EVC: variants seen among roughly 807,000 people sequenced by gnomAD.
The protein encoded by EVC is evC complex member EVC.
EVC carries 116 observed loss-of-function variants against 118.9 expected under a neutral mutation model. The observed-to-expected ratio is 0.98, with a 90% CI of 0.84 to 1.14. The LOEUF is 1.14. Among genes scored for constraint, EVC ranks in the 50% most tolerant of loss-of-function variants. EVC has a pLI of 0.00. For synonymous variants in EVC, 619 were observed against 534.7 expected, an observed-to-expected ratio of 1.16 and a Z score of -2.18; for missense variants, 1,401 against 1,246.4, an observed-to-expected ratio of 1.12 and a Z score of -1.87.
Position 5,729,407 on chromosome 4 carries a change from C to T in EVC, c.384+17C>T. ...AAGTTCCGGGTGAGAGTCCTGAGCT[C>T]CATCATAGAAAGCCAGTTACTTCCG... On this transcript the variant is annotated intron_variant, in intron 3 of 20. Coordinates refer to ENST00000264956, the MANE Select transcript of EVC (RefSeq NM_153717.3). 1 of 1,612,072 alleles carries T rather than the reference C, an allele frequency of 6.2e-7. No individual in the cohort carries two copies. Among genetic ancestry groups the T allele is most frequent in the Middle Eastern group, 1.7e-4 (1 of 6,060 alleles).
Position 5,800,332 on chromosome 4 carries a change from T to C in EVC, c.2304+1540T>C, listed in dbSNP as rs528839676. 2.0e-5 allele frequency among the ~76,000 whole-genome samples: 3 copies of C among 152,286 alleles called. No individual in the cohort carries two copies. The East Asian group carries it at 5.8e-4, about 29-fold the overall frequency. On this transcript the variant is annotated intron_variant, in intron 15 of 20. Coordinates refer to ENST00000264956, the MANE Select transcript of EVC (RefSeq NM_153717.3). Reference sequence around the variant, plus strand: ...TGCACTCCAGCCTGGGTGACATAGCTAGACTCTGTCTAAAAAACAAACAAA... The same window carrying C: ...TGCACTCCAGCCTGGGTGACATAGCCAGACTCTGTCTAAAAAACAAACAAA...
At chr4:5,793,899 G>A (rs535913222) in intron 13 of EVC, among the ~76,000 whole-genome samples, 182 bp downstream of exon 13, 1 of 152,240 alleles carries the variant, frequency 6.6e-6, no homozygotes, top group East Asian at 1.9e-4. Context: ...CTATCTATTT[G>A]ATAGAGTTGT....
In EVC at chr4:5,811,852, C is replaced by A. The variant is rs565250310; in HGVS notation, c.*815C>A. The A allele has an allele frequency of 6.0e-4, 91 of 152,220 alleles. No individual in the cohort carries two copies. Among genetic ancestry groups the A allele is most frequent in the Non-Finnish European group, 1.6e-4 (11 of 69,660 alleles). 9.4% of individuals were successfully genotyped at this position (152,220 alleles called of 1,614,324 possible). A position where few individuals can be genotyped will look rare whatever the true frequency, so the allele number is the denominator to read the frequency against. ...CCCACCGGTAGAGAAACTTCCAGAC[C>A]AGCCCCTCACACCACAGCCAAGAGA... On this transcript the variant is annotated 3_prime_UTR_variant, in exon 21 of 21. Transcript: ENST00000264956.
chr4:5,737,269 A>C lies in EVC; in HGVS notation c.702+3834A>C, dbSNP rs943028458. Among the ~76,000 whole-genome samples, 3 of 152,232 alleles carry C rather than the reference A, an allele frequency of 2.0e-5. No individual in the cohort carries two copies. Among genetic ancestry groups the C allele is most frequent in the African/African-American group, 7.2e-5 (3 of 41,458 alleles). ...AAGAAAAATTTGAAGCTAGCAGAGC[A>C]TGAGGTTTAAAGAAAGAAGCTGTCT... On this transcript the variant is annotated intron_variant, in intron 5 of 20. Transcript: ENST00000264956. This position sits in a 1 kb window ranked among gnomAD's most constrained non-coding sequence, Gnocchi z 5.0.
chr4:5,782,536 G>GAAAAAA (rs71171483), intron 11 of EVC, among the ~76,000 whole-genome samples: 1 of 45,734 alleles, frequency 2.2e-5, no homozygotes, highest in Non-Finnish European at 4.4e-5. Flanking sequence ...TGTTTTAAAT[G>GAAAAAA]AAAAAAAAAA....
chr4:5,714,529 C>T (rs1723630702), intron 1 of EVC, among the ~76,000 whole-genome samples: 2 of 146,780 alleles, frequency 1.4e-5, no homozygotes, highest in African/African-American at 5.0e-5. Flanking sequence ...CGTGCAATAG[C>T]CGTTGACCCT....
Position 5,741,815 on chromosome 4 carries a change from G to C in EVC, c.801+1G>C. ...GAAGATCCTTTCAAAACAAGAAAAA[G>C]TAAGTCTTCAACCTATGTTTCAAGG... On this transcript the variant is annotated splice_donor_variant, in intron 6 of 20. Coordinates refer to ENST00000264956, the MANE Select transcript of EVC (RefSeq NM_153717.3). LOFTEE classifies it high-confidence loss of function. 1 of 1,422,962 alleles carries C rather than the reference G, an allele frequency of 7.0e-7. No individual in the cohort carries two copies. The highest frequency in any genetic ancestry group is 9.9e-7 in the Non-Finnish European group (1 of 1,008,208). 88.1% of individuals were successfully genotyped at this position (1,422,962 alleles called of 1,614,324 possible). A position where few individuals can be genotyped will look rare whatever the true frequency, so the allele number is the denominator to read the frequency against.
At chr4:5,778,306 C>T (rs1735036553) in intron 11 of EVC, among the ~76,000 whole-genome samples, 1 of 152,018 alleles carries the variant, frequency 6.6e-6, no homozygotes, top group African/African-American at 2.4e-5. Flanking sequence ...CATACGTGTG[C>T]ATATGTCTTT....
the EVC span, chr4:5,828,478 G>C: frequency 1.2e-6 from 2 of 1,612,158 alleles, no homozygotes; most frequent in Non-Finnish European, 1.7e-6. Flanking sequence ...CTCCCCTGCA[G>C]ACACACTCAC....
Position 5,737,194 on chromosome 4 carries a change from TCTAA to T in EVC, c.702+3762_702+3765del, listed in dbSNP as rs1347733092. On this transcript the variant is annotated intron_variant, in intron 5 of 20. Transcript: ENST00000264956. The surrounding 1 kb of genome is among the most constrained non-coding windows in gnomAD (Gnocchi z 5.0). ...GCCAAAGCCTAATCCAGAGCAATAC[TCTAA>T]CTCTCTTCAATTCTGTGAGTGCTGA... 2.0e-5 allele frequency among the ~76,000 whole-genome samples: 3 copies of T among 152,196 alleles called. No homozygotes were observed. The highest frequency in any genetic ancestry group is 6.5e-5 in the Admixed American group (1 of 15,284).
At chr4:5,726,583 TATTATAC>T (rs1560286286) in intron 2 of EVC, among the ~76,000 whole-genome samples, 4 of 148,310 alleles carry the variant, frequency 2.7e-5, no homozygotes, top group East Asian at 2.0e-4. Context: ...TTTTTTTTTT[TATTATAC>T]TTTAAGTTTT....
chr4:5,723,326 A>G (rs1725274143), intron 2 of EVC, among the ~76,000 whole-genome samples: 1 of 151,242 alleles, frequency 6.6e-6, no homozygotes, highest in Non-Finnish European at 1.5e-5. Context: ...AGTAGCTGGG[A>G]TTACAGGCAT....
At chr4:5,720,868 G>A (rs902908631) in intron 2 of EVC, among the ~76,000 whole-genome samples, 2 of 136,874 alleles carry the variant, frequency 1.5e-5, no homozygotes, top group African/African-American at 2.7e-5. Context: ...ACATTACTAG[G>A]CAGGAAAATA....
Position 5,811,649 on chromosome 4 carries a change from T to G in EVC, c.*612T>G, listed in dbSNP as rs1371602125. On this transcript the variant is annotated 3_prime_UTR_variant, in exon 21 of 21. Transcript: ENST00000264956. ...CTCTCACCACACCCAGAAGAGGCCT[T>G]TCCCATCTGGAGAGAAGCTTCCAGA... is the stretch of plus-strand genomic sequence containing the variant. The G allele has an allele frequency of 6.1e-6, 1 of 163,852 alleles. No homozygotes were observed. Among genetic ancestry groups the G allele is most frequent in the Non-Finnish European group, 1.3e-5 (1 of 76,040 alleles). The allele number at this position is 163,852 out of a possible 1,614,324, so 10.1% of individuals were successfully genotyped here.
chr4:5,736,996 T>G (rs930268904), intron 5 of EVC, among the ~76,000 whole-genome samples: 11 of 152,220 alleles, frequency 7.2e-5, no homozygotes, highest in African/African-American at 2.7e-4. Context: ...AAGCTGGGCT[T>G]CTTATACCAC....
rs1219510458 is a variant in EVC at position 5,794,335 on chromosome 4, T to TTATATA, written c.1886+619_1886+624dup. Among the ~76,000 whole-genome samples, 50 of 110,576 alleles carry TTATATA rather than the reference T, an allele frequency of 4.5e-4. 1 individual carries two copies. Among genetic ancestry groups the TTATATA allele is most frequent in the African/African-American group, 1.3e-3 (47 of 34,924 alleles). The allele number at this position is 110,576 out of a possible 152,430, so 72.5% of individuals were successfully genotyped here. A position where few individuals can be genotyped will look rare whatever the true frequency, so the allele number is the denominator to read the frequency against. On this transcript the variant is annotated intron_variant, in intron 13 of 20. Coordinates refer to ENST00000264956, the MANE Select transcript of EVC (RefSeq NM_153717.3). ...TATATTTATATATATTTATATATAT[T>TTATATA]TATATACTTATATATATATTTATGT...
intron 2 of EVC, among the ~76,000 whole-genome samples, chr4:5,726,995 A>G (rs1405816820): frequency 2.6e-5 from 4 of 152,016 alleles, no homozygotes; most frequent in African/African-American, 9.7e-5. Context: ...GGTTGGTTCC[A>G]AGTCTTTGCT....
downstream of EVC, among the ~76,000 whole-genome samples, chr4:5,817,238 G>A (rs1475106864): frequency 3.9e-5 from 6 of 152,218 alleles, no homozygotes; most frequent in Admixed American, 2.6e-4. Context: ...GAGGGCAGTG[G>A]CTATAGAGGC....
the EVC span, chr4:5,828,439 T>C: frequency 6.3e-7 from 1 of 1,590,936 alleles, no homozygotes; most frequent in Non-Finnish European, 8.6e-7. Context: ...CAAGAGACGC[T>C]GTCGGCTCTG....
Sources: allele counts gnomAD v4.1 joint callset (sites outside exome capture counted in the v4.1 genomes callset), GRCh38; gene constraint gnomAD v4.1.1; non-coding constraint Gnocchi (gnomAD v3.1); transcripts MANE v1.5; gene names NCBI Gene and HGNC (gene_info 2026-07-23, HGNC 2026-07-21).